The following SAMD4A variants were observed in gnomAD, a reference collection of about 807,000 sequenced individuals.
SAMD4A encodes sterile alpha motif domain containing 4A.
A neutral mutation model predicts 81.3 loss-of-function variants in SAMD4A; 33 were observed. The observed-to-expected ratio is 0.41, with a 90% CI of 0.31 to 0.54. SAMD4A has a LOEUF of 0.54. Among genes scored for constraint, SAMD4A ranks in the 20% least tolerant of loss-of-function variants. The pLI is 0.37. For missense variants in SAMD4A, 854 were observed against 951.1 expected, an observed-to-expected ratio of 0.90 and a Z score of 1.34; for synonymous variants, 389 against 382.1, an observed-to-expected ratio of 1.02 and a Z score of -0.21.
At chr14:54,668,366 C>G (rs1477091034) in intron 2 of SAMD4A, among the ~76,000 whole-genome samples, 1 of 152,174 alleles carries the variant, frequency 6.6e-6, no homozygotes, top group African/African-American at 2.4e-5. Context: ...TTAGGGGGTA[C>G]TTATCATAGA....
chr14:54,591,820 A>G (rs1040917766), intron 2 of SAMD4A, among the ~76,000 whole-genome samples: 4 of 152,156 alleles, frequency 2.6e-5, no homozygotes, highest in Non-Finnish European at 2.9e-5. Flanking sequence ...AATTATATGC[A>G]GATTAGGTTA....
chr14:54,782,587 C>G (rs1256475335), intron 11 of SAMD4A, among the ~76,000 whole-genome samples: 1 of 152,184 alleles, frequency 6.6e-6, no homozygotes, highest in Non-Finnish European at 1.5e-5. Flanking sequence ...AGTCGGCCTC[C>G]GTCTGCTCAC....
chr14:54,682,345 C>G (rs9671848), intron 2 of SAMD4A, among the ~76,000 whole-genome samples: 1 of 152,144 alleles, frequency 6.6e-6, no homozygotes. Flanking sequence ...TGAGCCATGC[C>G]TGTGTAGGAG....
chr14:54,719,621 G>C (rs1207537288), intron 3 of SAMD4A, among the ~76,000 whole-genome samples: 2 of 152,150 alleles, frequency 1.3e-5, no homozygotes, highest in Non-Finnish European at 1.5e-5. Context: ...TCAAAGTCCA[G>C]AACGGTCTTG....
At chr14:54,735,236 TC>T (rs2037663535) in intron 3 of SAMD4A, 2 of 151,010 alleles carry the variant, frequency 1.3e-5, no homozygotes, top group South Asian at 4.2e-4. Context: ...TTCTCTGCTT[TC>T]CCCCCACTTT....
chr14:54,595,906 T>G (rs1258450783), intron 2 of SAMD4A, among the ~76,000 whole-genome samples: 2 of 152,214 alleles, frequency 1.3e-5, no homozygotes, highest in Admixed American at 1.3e-4. Context: ...TCTAAGGATC[T>G]TAGTAATTCA....
intron 2 of SAMD4A, among the ~76,000 whole-genome samples, chr14:54,682,567 T>G (rs754311565): frequency 6.6e-6 from 1 of 152,228 alleles, no homozygotes; most frequent in Non-Finnish European, 1.5e-5. Flanking sequence ...TCCTTGTCCA[T>G]ACTGTATTTG....
intron 4 of SAMD4A, among the ~76,000 whole-genome samples, chr14:54,746,491 T>C (rs1426220697): frequency 1.3e-5 from 2 of 152,232 alleles, no homozygotes; most frequent in African/African-American, 4.8e-5. Context: ...GGCCAGCTCT[T>C]CCACTCCTCT....
chr14:54,723,995 T>TGGAAGGAA (rs1170063084), intron 3 of SAMD4A, among the ~76,000 whole-genome samples: 7 of 59,550 alleles, frequency 1.2e-4, no homozygotes, highest in East Asian at 5.4e-4. Context: ...AAATATTGGA[T>TGGAAGGAA]GGATGGATGG....
At chr14:54,775,702 C>T (rs989170719) in intron 10 of SAMD4A, among the ~76,000 whole-genome samples, 10 of 152,046 alleles carry the variant, frequency 6.6e-5, no homozygotes, top group African/African-American at 2.4e-4. Context: ...CGCCTGTGTG[C>T]CCAGAGCTTC....
intron 2 of SAMD4A, among the ~76,000 whole-genome samples, chr14:54,572,219 G>C (rs546048695): frequency 1.8e-4 from 28 of 152,276 alleles, no homozygotes; most frequent in Non-Finnish European, 3.7e-4. Context: ...ATAGATATGG[G>C]GATAAAAAGT....
At chr14:54,636,861 A>G (rs1298068614) in intron 2 of SAMD4A, among the ~76,000 whole-genome samples, 1 of 152,172 alleles carries the variant, frequency 6.6e-6, no homozygotes, top group Admixed American at 6.5e-5. Flanking sequence ...AAATTGAGAT[A>G]TTGATTATAC....
chr14:54,652,867 GGA>G (rs1566567396), intron 2 of SAMD4A: 1 of 152,078 alleles, frequency 6.6e-6, no homozygotes, highest in Non-Finnish European at 1.5e-5. Flanking sequence ...ATGGATATTG[GGA>G]GAGTTAAGTA....
intron 3 of SAMD4A, chr14:54,734,889 GTC>G (rs1392969211): frequency 6.6e-6 from 1 of 152,240 alleles, no homozygotes; most frequent in Non-Finnish European, 1.5e-5. Flanking sequence ...GAGTCCCACT[GTC>G]TCTGAGCTGT....
chr14:54,786,336 GGGA>G (rs146204664), intron 12 of SAMD4A, among the ~76,000 whole-genome samples: 2,761 of 152,360 alleles, frequency 0.018, 79 homozygotes, highest in African/African-American at 0.062. Context: ...AGTGGCTGAA[GGGA>G]GGAGGATGCA....
At chr14:54,577,475 C>A (rs1186261966) in intron 2 of SAMD4A, among the ~76,000 whole-genome samples, 1 of 152,186 alleles carries the variant, frequency 6.6e-6, no homozygotes, top group Non-Finnish European at 1.5e-5. Flanking sequence ...TTGAATGTAA[C>A]CAGATGACAT....
At position 54,792,126 on chromosome 14, in the gene SAMD4A, T is replaced by G. The variant is rs1348887065; in HGVS notation, c.*3182T>G. 1.3e-5 allele frequency: 2 copies of G among 152,248 alleles called. No individual in the cohort carries two copies. Among genetic ancestry groups the G allele is most frequent in the East Asian group, 3.8e-4 (2 of 5,206 alleles). 9.4% of individuals were successfully genotyped at this position (152,248 alleles called of 1,614,324 possible). Reference sequence around the variant, plus strand: ...AAACACATGAACTGTGTACAAGACATGAAACATTGCTGCTGATATGTTGTT... The same window carrying G: ...AAACACATGAACTGTGTACAAGACAGGAAACATTGCTGCTGATATGTTGTT... On this transcript the variant is annotated 3_prime_UTR_variant, in exon 13 of 13. Transcript: ENST00000554335.
intron 2 of SAMD4A, among the ~76,000 whole-genome samples, chr14:54,613,617 G>A (rs545865177): frequency 2.0e-5 from 3 of 152,330 alleles, no homozygotes; most frequent in African/African-American, 4.8e-5. Flanking sequence ...TTCCCAGGAC[G>A]TGAAGTTAGA....
intron 2 of SAMD4A, chr14:54,681,905 A>T (rs2036137568): frequency 1.0e-6 from 1 of 985,318 alleles, no homozygotes; most frequent in Admixed American, 6.1e-5. Context: ...GGATGGAAAG[A>T]TTTATGACTG....
Sources: allele counts gnomAD v4.1 joint callset (sites outside exome capture counted in the v4.1 genomes callset), GRCh38; gene constraint gnomAD v4.1.1; transcripts MANE v1.5; gene names NCBI Gene and HGNC (gene_info 2026-07-23, HGNC 2026-07-21).